Variants in DAB1 observed in about 807,000 individuals in gnomAD.
DAB1 encodes DAB adaptor protein 1, also known as disabled homolog 1.
A neutral mutation model predicts 64.6 loss-of-function variants in DAB1; 15 were observed. That is an observed-to-expected ratio of 0.23 (90% CI 0.16 to 0.36). The LOEUF (loss-of-function observed/expected upper bound fraction) is 0.36, where lower values mean the gene tolerates loss of function less well. Among genes scored for constraint, DAB1 ranks in the 10% least tolerant of loss-of-function variants. DAB1 has a pLI of 1.00. For synonymous variants in DAB1, 235 were observed against 251.9 expected, an observed-to-expected ratio of 0.93 and a Z score of 0.64; for missense variants, 596 against 706.7, an observed-to-expected ratio of 0.84 and a Z score of 1.78.
At chr1:57,531,820 G>T (rs1181949493) in intron 7 of DAB1, among the ~76,000 whole-genome samples, 1 of 152,106 alleles carries the variant, frequency 6.6e-6, no homozygotes, top group Admixed American at 6.5e-5. Flanking sequence ...TCCCACCATG[G>T]CTGATTCCAT....
chr1:58,492,736 G>T (rs377015145), intron 3 of DAB1, among the ~76,000 whole-genome samples: 208 of 152,176 alleles, frequency 1.4e-3, no homozygotes, highest in African/African-American at 4.6e-3. Context: ...AATCTCTGAA[G>T]AGACCAATAA....
intron 5 of DAB1, among the ~76,000 whole-genome samples, chr1:57,935,100 C>T (rs773400167): frequency 5.3e-5 from 8 of 152,194 alleles, no homozygotes; most frequent in African/African-American, 1.4e-4. Context: ...CTGATGCTAA[C>T]GCCTGCCACA....
At chr1:58,337,268 C>T (rs185101611) in intron 4 of DAB1, among the ~76,000 whole-genome samples, 3 of 141,010 alleles carry the variant, frequency 2.1e-5, no homozygotes, top group East Asian at 4.1e-4. Context: ...GTTGACAGAG[C>T]GAGACTCTGT....
chr1:57,565,940 C>T (rs1645115019), intron 7 of DAB1, among the ~76,000 whole-genome samples: 1 of 152,218 alleles, frequency 6.6e-6, no homozygotes, highest in Admixed American at 6.5e-5. Context: ...TAGACATCTA[C>T]AGAACTCTCC....
At chr1:57,445,564 A>C (rs766621308) in intron 7 of DAB1, among the ~76,000 whole-genome samples, 2 of 152,176 alleles carry the variant, frequency 1.3e-5, no homozygotes, top group African/African-American at 2.4e-5. Context: ...CTGATAATGT[A>C]ATAAATATTG....
rs1361402304 is a variant in DAB1, at chr1:57,336,401, A to G, written c.-136-45235T>C. 2.6e-5 allele frequency among the ~76,000 whole-genome samples: 4 copies of G among 152,218 alleles called. No homozygotes were observed. The East Asian group carries it at 7.7e-4, about 29-fold the overall frequency. ...AATTTAGGCAAAATTTGGATTCAGA[A>G]AACACTGAAATAAGAAATGCATTAG... On this transcript the variant is annotated intron_variant, in intron 1 of 14. Transcript: ENST00000371236.
chr1:58,479,944 T>C (rs967784027), intron 3 of DAB1, among the ~76,000 whole-genome samples: 1 of 152,170 alleles, frequency 6.6e-6, no homozygotes, highest in Non-Finnish European at 1.5e-5. Context: ...AGTAGTCCCT[T>C]TCCTCTTTAA....
intron 4 of DAB1, among the ~76,000 whole-genome samples, chr1:58,312,270 A>G (rs527820794): frequency 6.6e-6 from 1 of 152,216 alleles, no homozygotes; most frequent in African/African-American, 2.4e-5. Flanking sequence ...AGGGTATTTA[A>G]AGGAAAAATG....
chr1:58,174,691 C>T (rs184250069), intron 4 of DAB1, among the ~76,000 whole-genome samples: 14 of 152,178 alleles, frequency 9.2e-5, no homozygotes, highest in East Asian at 1.9e-4. Flanking sequence ...CACCAATCAG[C>T]GCTCTGTGTC....
rs1425088575 is a variant in DAB1 at position 57,069,342 on chromosome 1, A to G, written c.663+18T>C. 3.7e-6 allele frequency: 6 copies of G among 1,606,422 alleles called. No individual in the cohort carries two copies. Among genetic ancestry groups the G allele is most frequent in the Middle Eastern group, 1.7e-4 (1 of 6,036 alleles). On this transcript the variant is annotated intron_variant, in intron 8 of 14. Coordinates refer to ENST00000371236, the MANE Select transcript of DAB1 (RefSeq NM_001365792.1). The stretch of plus-strand genomic sequence containing the variant: ...ACTAGTAGTGGTGCAATGGTAAGAG[A>G]GGCAAGCAATTTTATACCTGATAAA...
chr1:57,605,746 T>G (rs1645628156), intron 7 of DAB1: 1 of 336,526 alleles, frequency 3.0e-6, no homozygotes, highest in South Asian at 3.5e-5. Context: ...GTTTAATCCC[T>G]AAACTGAAAT....
chr1:58,287,532 C>G (rs559974470), intron 4 of DAB1, among the ~76,000 whole-genome samples: 2 of 151,846 alleles, frequency 1.3e-5, no homozygotes, highest in African/African-American at 4.8e-5. Context: ...CTGGCTGCTG[C>G]TCAGGAAGGG....
At chr1:57,463,182 C>T (rs1570543604) in intron 7 of DAB1, among the ~76,000 whole-genome samples, 2 of 152,140 alleles carry the variant, frequency 1.3e-5, no homozygotes, top group African/African-American at 4.8e-5. Context: ...AACTGTTCTA[C>T]CCTGGACAGC....
intron 5 of DAB1, among the ~76,000 whole-genome samples, chr1:57,923,328 A>G (rs1179619687): frequency 1.3e-5 from 2 of 152,214 alleles, no homozygotes; most frequent in African/African-American, 4.8e-5. Context: ...CAGATTGGCC[A>G]TATGTGATCA....
At chr1:57,632,743 G>A (rs746835949) in intron 7 of DAB1, among the ~76,000 whole-genome samples, 3 of 152,136 alleles carry the variant, frequency 2.0e-5, no homozygotes, top group Non-Finnish European at 4.4e-5. Flanking sequence ...CAATGTAAGT[G>A]TGTTATTTAG....
intron 7 of DAB1, among the ~76,000 whole-genome samples, chr1:57,444,926 C>T (rs1031742903): frequency 6.6e-6 from 1 of 152,128 alleles, no homozygotes; most frequent in African/African-American, 2.4e-5. Flanking sequence ...TCTATATATT[C>T]CTAGGGCTGG....
intron 4 of DAB1, among the ~76,000 whole-genome samples, chr1:57,116,669 CA>C (rs777633258): frequency 6.6e-5 from 10 of 152,028 alleles, no homozygotes; most frequent in Non-Finnish European, 1.5e-4. Context: ...AGCCCAAGGA[CA>C]AAATGTTCTT....
intron 5 of DAB1, among the ~76,000 whole-genome samples, chr1:58,111,175 T>C (rs1651945685): frequency 6.6e-6 from 1 of 152,228 alleles, no homozygotes; most frequent in Admixed American, 6.5e-5. Context: ...ACAGTGTGTC[T>C]GAAGTCAAGA....
At chr1:58,527,715 A>T (rs1646374087) in intron 1 of DAB1, among the ~76,000 whole-genome samples, 1 of 152,236 alleles carries the variant, frequency 6.6e-6, no homozygotes, top group South Asian at 2.1e-4. Flanking sequence ...AAGAAAATCA[A>T]GAAAACGTAG....
Sources: gnomAD v4.1 joint callset for allele counts (sites outside exome capture counted in the v4.1 genomes callset) on GRCh38, gnomAD v4.1.1 for gene constraint, MANE v1.5 for transcripts, NCBI Gene and HGNC (gene_info 2026-07-23, HGNC 2026-07-21) for gene names.